Variants in LACC1 observed in about 807,000 individuals in gnomAD.
The protein encoded by LACC1 is purine nucleoside phosphorylase LACC1.
Under a neutral mutation model 34.8 loss-of-function variants are expected in LACC1, and 25 were observed. The observed-to-expected ratio is 0.72, with a 90% CI of 0.52 to 1.00. LACC1 has a LOEUF of 1.00. Ranked by LOEUF, LACC1 falls within the 50% of genes least tolerant of loss-of-function variation. The probability of loss-of-function intolerance (pLI) is 0.00; values close to 1 mark genes in which losing one functional copy is unlikely to be tolerated. For synonymous variants in LACC1, 162 were observed against 168.0 expected, an observed-to-expected ratio of 0.96 and a Z score of 0.28; for missense variants, 426 against 511.2, an observed-to-expected ratio of 0.83 and a Z score of 1.61.
rs956219085 is a variant in LACC1, at chr13:43,891,869, G to C, written c.*422G>C. 1 of 152,194 alleles carries C rather than the reference G, an allele frequency of 6.6e-6. No homozygotes were observed. Among genetic ancestry groups the C allele is most frequent in the Admixed American group, 6.5e-5 (1 of 15,276 alleles). The allele number at this position is 152,194 out of a possible 1,614,324, so 9.4% of individuals were successfully genotyped here. A position where few individuals can be genotyped will look rare whatever the true frequency, so the allele number is the denominator to read the frequency against. ...CTACAACTTAAATTTAATTTTAATA[G>C]CAGTAGAAGAGAACATAAGGAATAG... is the stretch of plus-strand genomic sequence containing the variant. On this transcript the variant is annotated 3_prime_UTR_variant, in exon 7 of 7. Transcript: ENST00000325686.
intron 1 of LACC1, among the ~76,000 whole-genome samples, chr13:43,880,401 C>T (rs1210005660): frequency 1.3e-5 from 2 of 152,274 alleles, no homozygotes; most frequent in East Asian, 3.9e-4. Context: ...TGAGAGGAAG[C>T]CTGTCTCATC....
intron 2 of LACC1, 25 bp downstream of exon 2, chr13:43,881,572 T>G (rs1475270823): frequency 6.6e-7 from 1 of 1,514,974 alleles, no homozygotes; most frequent in Non-Finnish European, 8.9e-7. Flanking sequence ...AACTGTTGTT[T>G]TTACTTTGTA....
intron 4 of LACC1, among the ~76,000 whole-genome samples, chr13:43,886,252 C>T (rs1171658548): frequency 6.6e-6 from 1 of 152,200 alleles, no homozygotes. Context: ...AATCCCATTA[C>T]TGGGTATATA....
At chr13:43,884,923 G>A (rs61959996) in intron 4 of LACC1, among the ~76,000 whole-genome samples, 2 of 152,008 alleles carry the variant, frequency 1.3e-5, no homozygotes, top group African/African-American at 2.4e-5. Flanking sequence ...TCTTAGGTTC[G>A]AAAACATTTA....
At chr13:43,888,327 G>T (rs1381172056) in intron 4 of LACC1, among the ~76,000 whole-genome samples, 1 of 152,288 alleles carries the variant, frequency 6.6e-6, no homozygotes, top group Admixed American at 6.5e-5. Context: ...GTTAATAGTT[G>T]TAGAGTTTCC....
In LACC1 at chr13:43,890,209, T is replaced by G; in HGVS notation, c.1229T>G (p.Phe410Cys). ...LCTSCHPDKF[F>C]SHVRDGLNFG... ...ACATCTTGCCATCCTGACAAGTTTTTCTCCCATGTCCGAGATGGCCTTAAT... is the reference window on the plus strand; with the variant it reads ...ACATCTTGCCATCCTGACAAGTTTTGCTCCCATGTCCGAGATGGCCTTAAT... Residue 410 changes from phenylalanine (F) to cysteine (C), a missense_variant, in exon 6 of 7, where the codon TTC becomes TGC. Phe to Cys is a radical substitution (Grantham distance 205). Coordinates refer to ENST00000325686, the MANE Select transcript of LACC1 (RefSeq NM_153218.4). The G allele has an allele frequency of 6.2e-7, 1 of 1,613,882 alleles. No individual in the cohort carries two copies. Among genetic ancestry groups the G allele is most frequent in the Non-Finnish European group, 8.5e-7 (1 of 1,179,880 alleles).
chr13:43,886,965 C>T (rs761978134), intron 4 of LACC1, among the ~76,000 whole-genome samples: 9 of 151,902 alleles, frequency 5.9e-5, no homozygotes, highest in African/African-American at 2.2e-4. Context: ...TAAGGAGGCT[C>T]ACTGAGGAAG....
At chr13:43,889,901 C>A in intron 5 of LACC1, 1 of 467,320 alleles carries the variant, frequency 2.1e-6, no homozygotes, top group Non-Finnish European at 3.7e-6. Flanking sequence ...GAAGGTTGTA[C>A]TGTGCATATA....
At chr13:43,884,990 G>A (rs1276094453) in intron 4 of LACC1, among the ~76,000 whole-genome samples, 1 of 152,076 alleles carries the variant, frequency 6.6e-6, no homozygotes, top group Non-Finnish European at 1.5e-5. Context: ...TGAATTTCAA[G>A]TCATTAATAA....
intron 1 of LACC1, among the ~76,000 whole-genome samples, chr13:43,880,562 A>G (rs914652956): frequency 6.6e-6 from 1 of 152,226 alleles, no homozygotes; most frequent in Non-Finnish European, 1.5e-5. Context: ...GCCCCCGCAT[A>G]TGAAAGGATG....
Position 43,891,629 on chromosome 13 carries a change from A to T in LACC1, c.*182A>T. ...TTTCATTTAATTGTAATAATAACTG[A>T]CAAAAATCAGTATGTTGTAGCTAAT... On this transcript the variant is annotated 3_prime_UTR_variant, in exon 7 of 7. Coordinates refer to ENST00000325686, the MANE Select transcript of LACC1 (RefSeq NM_153218.4). The T allele has an allele frequency of 6.7e-6, 5 of 748,290 alleles. No homozygotes were observed. The highest frequency in any genetic ancestry group is 8.1e-6 in the Non-Finnish European group (5 of 613,856). 46.4% of individuals were successfully genotyped at this position (748,290 alleles called of 1,614,324 possible).
In LACC1 at chr13:43,881,013, T is replaced by C. The variant is rs747244585; in HGVS notation, c.28T>C (p.Phe10Leu). The C allele has an allele frequency of 2.5e-6, 4 of 1,613,686 alleles. No individual in the cohort carries two copies. The highest frequency in any genetic ancestry group is 2.5e-6 in the Non-Finnish European group (3 of 1,179,678). MAEAVLIDL[F>L]GLKLNSQKNC... Reference sequence around the variant, plus strand: ...GGCAGAAGCTGTTTTGATTGATCTTTTTGGTTTGAAATTGAACTCTCAAAA... The same window carrying C: ...GGCAGAAGCTGTTTTGATTGATCTTCTTGGTTTGAAATTGAACTCTCAAAA... The change falls in exon 2 of 7, where the codon TTT becomes CTT. Residue 10 changes from phenylalanine (F) to leucine (L), a missense_variant. Around this residue, in one of 2 missense-constraint regions of LACC1, gnomAD observed 217 missense variants for 210.9 expected, o/e 1.03. Transcript: ENST00000325686.
At position 43,891,677 on chromosome 13, in the gene LACC1, T is replaced by C. The variant is rs920940099; in HGVS notation, c.*230T>C. On this transcript the variant is annotated 3_prime_UTR_variant, in exon 7 of 7. Transcript: ENST00000325686. ...AATATGTTTTATGCATGAGAATTATTCTTAAAGTTTGTTCTCCCTGTTTAT... is the reference window on the plus strand; with the variant it reads ...AATATGTTTTATGCATGAGAATTATCCTTAAAGTTTGTTCTCCCTGTTTAT... 3 of 483,802 alleles carry C rather than the reference T, an allele frequency of 6.2e-6. No homozygotes were observed. The highest frequency in any genetic ancestry group is 8.1e-6 in the Non-Finnish European group (3 of 371,686). 30.0% of individuals were successfully genotyped at this position (483,802 alleles called of 1,614,324 possible). A position where few individuals can be genotyped will look rare whatever the true frequency, so the allele number is the denominator to read the frequency against.
chr13:43,891,481 T>A lies in LACC1; in HGVS notation c.*34T>A. On this transcript the variant is annotated 3_prime_UTR_variant, in exon 7 of 7. Coordinates refer to ENST00000325686, the MANE Select transcript of LACC1 (RefSeq NM_153218.4). ...ACTGGATTTTTGTATAACTGCTTCC[T>A]GCCTCCTTCCAAACTGACTGCAAGA... 1 of 984,888 alleles carries A rather than the reference T, an allele frequency of 1.0e-6. No individual in the cohort carries two copies. Among genetic ancestry groups the A allele is most frequent in the Non-Finnish European group, 1.2e-6 (1 of 829,274 alleles). The allele number at this position is 984,888 out of a possible 1,614,324, so 61.0% of individuals were successfully genotyped here.
At chr13:43,891,360 G>A in intron 6 of LACC1, 89 bp from the exon 7 acceptor site, 1 of 592,096 alleles carries the variant, frequency 1.7e-6, no homozygotes, top group Non-Finnish European at 2.1e-6. Flanking sequence ...TTAACTTACA[G>A]AAAAACTTTA....
rs1336948955 is a variant in LACC1 at position 43,891,737 on chromosome 13, A to G, written c.*290A>G. 2 of 189,392 alleles carry G rather than the reference A, an allele frequency of 1.1e-5. No individual in the cohort carries two copies. Among genetic ancestry groups the G allele is most frequent in the Admixed American group, 6.5e-5 (1 of 15,328 alleles). 11.7% of individuals were successfully genotyped at this position (189,392 alleles called of 1,614,324 possible). A position where few individuals can be genotyped will look rare whatever the true frequency, so the allele number is the denominator to read the frequency against. On this transcript the variant is annotated 3_prime_UTR_variant, in exon 7 of 7. Transcript: ENST00000325686. ...CAGGAATAGATTTGTTCAGTTCAGTATTTATTGGATACCCTCTATTGGTCA... is the reference window on the plus strand; with the variant it reads ...CAGGAATAGATTTGTTCAGTTCAGTGTTTATTGGATACCCTCTATTGGTCA...
At chr13:43,879,726 C>T (rs1954830472), upstream of LACC1, 1 of 147,242 alleles carries the variant, frequency 6.8e-6, no homozygotes, top group African/African-American at 2.6e-5. Context: ...TCTGTGCGGC[C>T]GCGGCGAGGT....
At chr13:43,890,352 C>A (rs2138369123) in intron 6 of LACC1, 78 bp downstream of exon 6, 1 of 1,243,750 alleles carries the variant, frequency 8.0e-7, no homozygotes, top group Admixed American at 2.5e-5. Flanking sequence ...CTTTCTCTTT[C>A]TTCCTCTTTT....
At chr13:43,887,509 A>C (rs945363190) in intron 4 of LACC1, among the ~76,000 whole-genome samples, 2 of 152,232 alleles carry the variant, frequency 1.3e-5, no homozygotes, top group African/African-American at 4.8e-5. Flanking sequence ...TTTATCTTAG[A>C]ACACTGTAAG....
Sources: allele counts gnomAD v4.1 joint callset (sites outside exome capture counted in the v4.1 genomes callset), GRCh38; gene constraint gnomAD v4.1.1; regional missense constraint gnomAD v4.1.1; transcripts MANE v1.5; gene names NCBI Gene and HGNC (gene_info 2026-07-23, HGNC 2026-07-21).